Variants in CACNA2D1 observed in about 807,000 individuals in gnomAD.
CACNA2D1 encodes voltage-dependent calcium channel subunit alpha-2/delta-1.
CACNA2D1 carries 53 observed loss-of-function variants against 171.5 expected under a neutral mutation model. That is an observed-to-expected ratio of 0.31 (90% CI 0.25 to 0.39). The LOEUF (loss-of-function observed/expected upper bound fraction) is 0.39, where lower values mean the gene tolerates loss of function less well. Among genes scored for constraint, CACNA2D1 ranks in the 10% least tolerant of loss-of-function variants. CACNA2D1 has a pLI of 1.00. For synonymous variants in CACNA2D1, 442 were observed against 443.1 expected (o/e 1.00, Z 0.03); for missense variants, 903 against 1,299.8 (o/e 0.69, Z 4.69).
At chr7:82,296,065 C>G (rs972628655) in intron 3 of CACNA2D1, among the ~76,000 whole-genome samples, 1 of 149,656 alleles carries the variant, frequency 6.7e-6, no homozygotes, top group Admixed American at 6.7e-5. Flanking sequence ...ACAATGAGAA[C>G]ACATGGACAC....
chr7:82,079,902 T>A (rs559904053), intron 7 of CACNA2D1, among the ~76,000 whole-genome samples: 1 of 152,122 alleles, frequency 6.6e-6, no homozygotes, highest in South Asian at 2.1e-4. Context: ...ATAATAACTA[T>A]GTTAGGTGAG....
chr7:82,359,835 A>G (rs185240218), intron 1 of CACNA2D1, among the ~76,000 whole-genome samples: 300 of 152,372 alleles, frequency 2.0e-3, no homozygotes, highest in South Asian at 3.5e-3. Context: ...AGTTCTGAAC[A>G]TACAGTGGCT....
chr7:82,132,315 G>C (rs1791085651), intron 5 of CACNA2D1, among the ~76,000 whole-genome samples: 1 of 152,198 alleles, frequency 6.6e-6, no homozygotes, highest in African/African-American at 2.4e-5. Flanking sequence ...GATATGTGCA[G>C]AAACTGCTAA....
chr7:82,000,223 C>A (rs961209806), intron 18 of CACNA2D1, among the ~76,000 whole-genome samples: 5 of 152,030 alleles, frequency 3.3e-5, no homozygotes, highest in Non-Finnish European at 7.4e-5. Flanking sequence ...TGCGCCACTG[C>A]ACTCCAGCCT....
chr7:82,033,875 T>A (rs1175398369), intron 11 of CACNA2D1, among the ~76,000 whole-genome samples: 1 of 152,102 alleles, frequency 6.6e-6, no homozygotes, highest in African/African-American at 2.4e-5. Context: ...GAATAAAAGA[T>A]CACACTAATT....
intron 6 of CACNA2D1, among the ~76,000 whole-genome samples, chr7:82,091,402 T>A (rs1811140107): frequency 6.6e-6 from 1 of 152,210 alleles, no homozygotes; most frequent in Non-Finnish European, 1.5e-5. Flanking sequence ...AGCCCCTGTA[T>A]TACTGAGATT....
chr7:82,271,473 A>G (rs1000144685), intron 3 of CACNA2D1, among the ~76,000 whole-genome samples: 2 of 152,106 alleles, frequency 1.3e-5, no homozygotes, highest in Non-Finnish European at 2.9e-5. Flanking sequence ...TCTACCATCC[A>G]CAAATGAACC....
chr7:82,271,148 G>A (rs1808574765), intron 3 of CACNA2D1, among the ~76,000 whole-genome samples: 1 of 151,932 alleles, frequency 6.6e-6, no homozygotes, highest in Non-Finnish European at 1.5e-5. Flanking sequence ...CTCTCTCTCA[G>A]AAGTGTCAAT....
intron 6 of CACNA2D1, among the ~76,000 whole-genome samples, chr7:82,093,590 T>C (rs1811496181): frequency 6.6e-6 from 1 of 152,148 alleles, no homozygotes; most frequent in Non-Finnish European, 1.5e-5. Flanking sequence ...TCAATTGCTA[T>C]AAGACAATGG....
At chr7:82,417,846 G>C (rs2129456514) in intron 1 of CACNA2D1, among the ~76,000 whole-genome samples, 1 of 152,288 alleles carries the variant, frequency 6.6e-6, no homozygotes, top group Middle Eastern at 3.4e-3. Context: ...AAATGCATTA[G>C]ATTTTGCATA....
intron 1 of CACNA2D1, among the ~76,000 whole-genome samples, chr7:82,379,756 C>T (rs1437433924): frequency 2.0e-5 from 3 of 152,138 alleles, no homozygotes; most frequent in Non-Finnish European, 4.4e-5. Context: ...TGTTTCTTGA[C>T]TCTTTCACTG....
Position 82,221,101 on chromosome 7 carries a change from G to C in CACNA2D1, c.295-50492C>G, listed in dbSNP as rs1172019372. On this transcript the variant is annotated intron_variant, in intron 3 of 38. Transcript: ENST00000356860. ...CAGAAAAGTTTGTTAAAGTTTTTAA[G>C]GTTTTGTGCAATGTGGAATCTTAAA... Among the ~76,000 whole-genome samples the C allele has an allele frequency of 2.6e-5, 4 of 151,964 alleles. No homozygotes were observed. In the East Asian group the frequency reaches 5.8e-4, roughly 22 times the overall value.
At chr7:82,302,756 T>C (rs1813189883) in intron 3 of CACNA2D1, among the ~76,000 whole-genome samples, 1 of 152,082 alleles carries the variant, frequency 6.6e-6, no homozygotes, top group Non-Finnish European at 1.5e-5. Flanking sequence ...CAAGCAATAA[T>C]CCTGAATTTC....
intron 1 of CACNA2D1, among the ~76,000 whole-genome samples, chr7:82,382,014 T>C (rs1285418659): frequency 6.6e-6 from 1 of 152,110 alleles, no homozygotes; most frequent in Non-Finnish European, 1.5e-5. Flanking sequence ...CCCACTGACA[T>C]ATGAGACTAT....
At chr7:82,187,821 C>G (rs1797915562) in intron 3 of CACNA2D1, among the ~76,000 whole-genome samples, 1 of 152,056 alleles carries the variant, frequency 6.6e-6, no homozygotes, top group Non-Finnish European at 1.5e-5. Flanking sequence ...ATTTATTTCT[C>G]CAGTTCTGGA....
chr7:82,398,553 C>T (rs992547445), intron 1 of CACNA2D1, among the ~76,000 whole-genome samples: 1 of 151,344 alleles, frequency 6.6e-6, no homozygotes, highest in African/African-American at 2.4e-5. Context: ...GGTCTCACTA[C>T]ACTACCACTT....
chr7:81,961,753 C>T (rs564983823), intron 36 of CACNA2D1, 141 bp downstream of exon 36: 1 of 724,592 alleles, frequency 1.4e-6, no homozygotes, highest in Admixed American at 2.3e-5. Flanking sequence ...CAGCTTAAAA[C>T]AATTACTCAC....
intron 4 of CACNA2D1, among the ~76,000 whole-genome samples, chr7:82,144,681 A>T (rs1396883579): frequency 6.6e-6 from 1 of 152,052 alleles, no homozygotes; most frequent in Non-Finnish European, 1.5e-5. Flanking sequence ...AAGGTCAAAA[A>T]TCACCTACTG....
intron 3 of CACNA2D1, among the ~76,000 whole-genome samples, chr7:82,296,686 T>C (rs866061387): frequency 9.2e-5 from 14 of 152,276 alleles, no homozygotes; most frequent in South Asian, 6.2e-4. Flanking sequence ...TTCTCTCCTA[T>C]GTATTACCAC....
Sources: gnomAD v4.1 joint callset for allele counts (sites outside exome capture counted in the v4.1 genomes callset) on GRCh38, gnomAD v4.1.1 for gene constraint, MANE v1.5 for transcripts, NCBI Gene and HGNC (gene_info 2026-07-23, HGNC 2026-07-21) for gene names.